The following COL28A1 variants were observed in gnomAD, a reference collection of about 807,000 sequenced individuals.
COL28A1 encodes the protein collagen type XXVIII alpha 1 chain, also known as collagen alpha-1(XXVIII) chain.
In COL28A1, 161 loss-of-function variants were observed where a neutral mutation model predicts 150.2. The observed-to-expected ratio is 1.07, with a 90% CI of 0.94 to 1.22. COL28A1 has a LOEUF of 1.22. Ranked by LOEUF, COL28A1 falls within the 50% of genes most tolerant of loss-of-function variation. The probability of loss-of-function intolerance (pLI) is 0.00; values close to 1 mark genes in which losing one functional copy is unlikely to be tolerated. For synonymous variants in COL28A1, 552 were observed against 469.7 expected (o/e 1.18, Z -2.26); for missense variants, 1,617 against 1,388.3 (o/e 1.16, Z -2.62).
chr7:7,380,726 A>G, intron 29 of COL28A1, 31 bp from the exon 30 acceptor site: 1 of 1,613,404 alleles, frequency 6.2e-7, no homozygotes, highest in East Asian at 2.2e-5. Context: ...AAAAGTCAAT[A>G]TAGGTTGGAA....
chr7:7,489,351 T>G, intron 13 of COL28A1, 38 bp downstream of exon 13: 1 of 896,648 alleles, frequency 1.1e-6, no homozygotes, highest in Non-Finnish European at 1.9e-6. Context: ...AAAACTATAT[T>G]TGTCCTTTTC....
intron 27 of COL28A1, among the ~76,000 whole-genome samples, chr7:7,389,371 C>G (rs1353073012): frequency 6.6e-6 from 1 of 152,138 alleles, no homozygotes; most frequent in Non-Finnish European, 1.5e-5. Context: ...TGTTTTGGTA[C>G]CAATACCATG....
intron 34 of COL28A1, 135 bp from the exon 35 acceptor site, chr7:7,358,940 T>C (rs1350804131): frequency 1.5e-6 from 1 of 653,208 alleles, no homozygotes; most frequent in Non-Finnish European, 2.4e-6. Context: ...TGGTTCTAAG[T>C]AAGTGAAAGA....
At chr7:7,364,321 A>G (rs1300233276) in intron 33 of COL28A1, among the ~76,000 whole-genome samples, 1 of 152,234 alleles carries the variant, frequency 6.6e-6, no homozygotes, top group African/African-American at 2.4e-5. Flanking sequence ...AATGCAGGAC[A>G]TACATTCGTA....
intron 15 of COL28A1, among the ~76,000 whole-genome samples, chr7:7,460,153 C>T (rs1787491662): frequency 1.3e-5 from 2 of 152,216 alleles, no homozygotes; most frequent in South Asian, 4.1e-4. Context: ...AAATATCTTT[C>T]ATCCTCTTCC....
At chr7:7,381,501 G>A (rs200187116) in intron 28 of COL28A1, 43 bp downstream of exon 28, 1,577 of 1,412,082 alleles carry the variant, frequency 1.1e-3, no homozygotes, top group Non-Finnish European at 1.5e-3. Flanking sequence ...AAGCTATTGC[G>A]ATCCTAAGCC....
At chr7:7,485,533 A>G (rs1779580718) in intron 13 of COL28A1, among the ~76,000 whole-genome samples, 1 of 152,172 alleles carries the variant, frequency 6.6e-6, no homozygotes, top group Non-Finnish European at 1.5e-5. Flanking sequence ...AGAAATCTTC[A>G]TCAAGCCCAC....
chr7:7,432,636 A>G lies in COL28A1; in HGVS notation c.1925T>C (p.Val642Ala), dbSNP rs1228402474. 4.3e-6 allele frequency: 7 copies of G among 1,614,004 alleles called. No individual in the cohort carries two copies. Among genetic ancestry groups the G allele is most frequent in the Non-Finnish European group, 5.9e-6 (7 of 1,179,964 alleles). Residue 642 changes from valine to alanine, a missense_variant, in exon 24 of 35, where the codon GTG becomes GCG. Val to Ala is a moderately conservative substitution (Grantham distance 64, BLOSUM62 0). Transcript: ENST00000399429. ...AGAAAAAAATGTCCCACTTACAGGC[A>G]CACCAGGATAGCCATCACCTTTGAG... ...PGLKGDGYPG[V>A]PGPRGLPGPP...
Position 7,432,516 on chromosome 7 carries a change from G to T in COL28A1, c.1955C>A (p.Pro652His). The T allele has an allele frequency of 1.2e-6, 2 of 1,614,034 alleles. No homozygotes were observed. Among genetic ancestry groups the T allele is most frequent in the South Asian group, 1.1e-5 (1 of 91,072 alleles). ...CACTCCACGTAAACCCATCGGCCCA[G>T]GGGGTCCTGGTAATCCACGAGGTCC... ...VPGPRGLPGP[P>H]GPMGLRGVGD... The change falls in exon 25 of 35, where the codon CCT (proline) becomes CAT (histidine). Residue 652 changes from proline to histidine, a missense_variant. Coordinates refer to ENST00000399429, the MANE Select transcript of COL28A1 (RefSeq NM_001037763.3).
intron 5 of COL28A1, among the ~76,000 whole-genome samples, chr7:7,520,887 C>T (rs1428720822): frequency 1.3e-5 from 2 of 152,180 alleles, no homozygotes; most frequent in African/African-American, 4.8e-5. Flanking sequence ...TAAACCTTTG[C>T]TTTAGCCAAA....
At chr7:7,385,441 G>C (rs1344174856) in intron 27 of COL28A1, among the ~76,000 whole-genome samples, 4 of 152,156 alleles carry the variant, frequency 2.6e-5, no homozygotes, top group African/African-American at 9.7e-5. Flanking sequence ...CTGAGACTGT[G>C]GTGTGATGGT....
chr7:7,345,355 T>G, the COL28A1 span, among the ~76,000 whole-genome samples: 2 of 152,054 alleles, frequency 1.3e-5, no homozygotes, highest in African/African-American at 4.8e-5. Context: ...ATCTTGTGTT[T>G]GGTGGCTCAG....
intron 4 of COL28A1, among the ~76,000 whole-genome samples, chr7:7,523,221 A>C (rs1781837854): frequency 6.6e-6 from 1 of 150,710 alleles, no homozygotes; most frequent in Admixed American, 6.6e-5. Context: ...ATGCAGCAGC[A>C]ATCTTGGCTC....
At chr7:7,502,524 C>G (rs935261788) in intron 11 of COL28A1, among the ~76,000 whole-genome samples, 2 of 152,102 alleles carry the variant, frequency 1.3e-5, no homozygotes, top group Non-Finnish European at 2.9e-5. Flanking sequence ...AAGAGAAAGA[C>G]CATTTGTAAA....
intron 30 of COL28A1, among the ~76,000 whole-genome samples, chr7:7,376,290 C>T (rs577275875): frequency 6.6e-6 from 1 of 152,240 alleles, no homozygotes; most frequent in African/African-American, 2.4e-5. Context: ...TGGACCCAAT[C>T]TAAGAAAATA....
intron 16 of COL28A1, 95 bp downstream of exon 16, chr7:7,455,949 A>G (rs1322588511): frequency 6.6e-7 from 1 of 1,512,932 alleles, no homozygotes; most frequent in East Asian, 2.3e-5. Flanking sequence ...ACTGTCAAAT[A>G]TACTCATAGA....
intron 11 of COL28A1, among the ~76,000 whole-genome samples, chr7:7,491,759 C>G (rs1044256884): frequency 6.6e-6 from 1 of 152,226 alleles, no homozygotes; most frequent in Non-Finnish European, 1.5e-5. Context: ...TTAGGTCTCT[C>G]CGGCTTTAAG....
At chr7:7,352,630 T>C (rs540748960), downstream of COL28A1, among the ~76,000 whole-genome samples, 2 of 152,252 alleles carry the variant, frequency 1.3e-5, no homozygotes, top group Middle Eastern at 3.4e-3. Context: ...CTTTAGATGT[T>C]GGAAAAGACA....
intron 33 of COL28A1, among the ~76,000 whole-genome samples, chr7:7,363,502 T>C (rs758101367): frequency 5.3e-5 from 8 of 152,198 alleles, no homozygotes; most frequent in Non-Finnish European, 1.0e-4. Flanking sequence ...CGGCTTGCTA[T>C]TTTTATAATT....
Sources: allele counts gnomAD v4.1 joint callset (sites outside exome capture counted in the v4.1 genomes callset), GRCh38; gene constraint gnomAD v4.1.1; transcripts MANE v1.5; gene names NCBI Gene and HGNC (gene_info 2026-07-23, HGNC 2026-07-21).